The following CDK19 variants were observed in gnomAD, a reference collection of about 807,000 sequenced individuals.
CDK19 encodes cyclin dependent kinase 19, also known as cyclin-dependent kinase 19.
A neutral mutation model predicts 68.3 loss-of-function variants in CDK19; 20 were observed. The observed-to-expected ratio is 0.29, with a 90% CI of 0.21 to 0.43. The LOEUF (loss-of-function observed/expected upper bound fraction) is 0.43, where lower values mean the gene tolerates loss of function less well. Among genes scored for constraint, CDK19 ranks in the 20% least tolerant of loss-of-function variants. The pLI is 1.00. For synonymous variants in CDK19, 221 were observed against 222.8 expected (o/e 0.99, Z 0.07); for missense variants, 339 against 623.5 (o/e 0.54, Z 4.86).
At chr6:110,684,046 T>C (rs924897303) in intron 2 of CDK19, among the ~76,000 whole-genome samples, 4 of 151,990 alleles carry the variant, frequency 2.6e-5, no homozygotes, top group African/African-American at 9.7e-5. Context: ...GAAAATTGGA[T>C]ATACTTCTTA....
intron 4 of CDK19, among the ~76,000 whole-genome samples, chr6:110,649,312 G>A (rs1378863149): frequency 6.6e-6 from 1 of 152,046 alleles, no homozygotes; most frequent in African/African-American, 2.4e-5. Context: ...TTATCTAAAT[G>A]TGGAAAAAAT....
chr6:110,638,551 T>G, intron 5 of CDK19, 98 bp downstream of exon 5: 2 of 699,488 alleles, frequency 2.9e-6, no homozygotes. Context: ...AGAAAGTAAT[T>G]TTAAAATTAA....
chr6:110,663,480 T>C (rs1251803480), intron 4 of CDK19, among the ~76,000 whole-genome samples: 2 of 152,178 alleles, frequency 1.3e-5, no homozygotes, highest in East Asian at 3.8e-4. Context: ...TCAAGATTAG[T>C]GAATCAAGAA....
chr6:110,684,349 C>CA (rs1164663616), intron 2 of CDK19, among the ~76,000 whole-genome samples: 7 of 147,454 alleles, frequency 4.7e-5, no homozygotes, highest in Non-Finnish European at 7.4e-5. Context: ...GGCAGTCTTT[C>CA]AGTCCCTTGG....
chr6:110,668,832 CAAAAAAA>C (rs530527732), intron 3 of CDK19, among the ~76,000 whole-genome samples: 1 of 79,962 alleles, frequency 1.3e-5, no homozygotes. Flanking sequence ...AACTCCGTTT[CAAAAAAA>C]AAAAAAAAGA....
chr6:110,780,476 C>A (rs1405915729), intron 1 of CDK19, among the ~76,000 whole-genome samples: 1 of 143,240 alleles, frequency 7.0e-6, no homozygotes, highest in East Asian at 3.1e-4. Flanking sequence ...CAGAAGACAT[C>A]AGAATTTATT....
chr6:110,713,375 G>A (rs1299209076), intron 2 of CDK19, among the ~76,000 whole-genome samples: 1 of 149,268 alleles, frequency 6.7e-6, no homozygotes, highest in Non-Finnish European at 1.5e-5. Context: ...GAGCTTGCAG[G>A]GAGCTGAGAT....
chr6:110,662,039 G>A (rs1342413331), intron 4 of CDK19, among the ~76,000 whole-genome samples: 5 of 151,964 alleles, frequency 3.3e-5, no homozygotes, highest in South Asian at 4.2e-4. Flanking sequence ...GCACGATCTC[G>A]GCTCACTGCA....
At chr6:110,794,650 G>A (rs932967711) in intron 1 of CDK19, among the ~76,000 whole-genome samples, 3 of 151,274 alleles carry the variant, frequency 2.0e-5, no homozygotes, top group East Asian at 2.0e-4. Context: ...TGATCCACCC[G>A]CCTCAGCCTC....
intron 1 of CDK19, among the ~76,000 whole-genome samples, chr6:110,773,720 A>T (rs1038073631): frequency 1.3e-5 from 2 of 152,134 alleles, no homozygotes; most frequent in Admixed American, 6.6e-5. Context: ...ATACAATTGT[A>T]CGGGTATTAT....
intron 4 of CDK19, among the ~76,000 whole-genome samples, chr6:110,642,084 C>T (rs1282248514): frequency 1.3e-5 from 2 of 152,044 alleles, no homozygotes; most frequent in Admixed American, 1.3e-4. Flanking sequence ...GGGTGGATCA[C>T]GAGGTCAGGA....
At chr6:110,783,893 C>G (rs1425043800) in intron 1 of CDK19, among the ~76,000 whole-genome samples, 3 of 151,982 alleles carry the variant, frequency 2.0e-5, no homozygotes, top group Non-Finnish European at 4.4e-5. Context: ...GGCACGGTGG[C>G]TCACGCCTGT....
At chr6:110,807,136 CAAATA>C (rs1367825642) in intron 1 of CDK19, among the ~76,000 whole-genome samples, 2 of 144,904 alleles carry the variant, frequency 1.4e-5, no homozygotes, top group African/African-American at 5.1e-5. Flanking sequence ...CTCATCTCTA[CAAATA>C]ATTTAAAAAA....
At chr6:110,771,119 G>A (rs1313309564) in intron 1 of CDK19, among the ~76,000 whole-genome samples, 2 of 152,102 alleles carry the variant, frequency 1.3e-5, no homozygotes. Context: ...GGGGTCTGGA[G>A]GTCTTCTCAC....
chr6:110,717,368 G>A (rs565799916), intron 2 of CDK19, among the ~76,000 whole-genome samples: 1 of 152,100 alleles, frequency 6.6e-6, no homozygotes, highest in African/African-American at 2.4e-5. Context: ...ATCAGTCAAT[G>A]AGCCCTTAGA....
chr6:110,650,609 A>C (rs1780900672), intron 4 of CDK19, among the ~76,000 whole-genome samples: 1 of 152,190 alleles, frequency 6.6e-6, no homozygotes, highest in South Asian at 2.1e-4. Flanking sequence ...CTTCGGAGAA[A>C]GCCTCTTTGA....
At chr6:110,733,932 CCT>C (rs910169032) in intron 2 of CDK19, among the ~76,000 whole-genome samples, 1 of 152,038 alleles carries the variant, frequency 6.6e-6, no homozygotes, top group Non-Finnish European at 1.5e-5. Context: ...TTCCAGCATT[CCT>C]CTCCTTTTGA....
intron 2 of CDK19, among the ~76,000 whole-genome samples, chr6:110,738,184 TA>T (rs1777388963): frequency 6.6e-6 from 1 of 152,002 alleles, no homozygotes; most frequent in African/African-American, 2.4e-5. Context: ...CACGCATATT[TA>T]AAAAGAAAAA....
chr6:110,812,605 C>T (rs1281855684), intron 1 of CDK19, among the ~76,000 whole-genome samples: 1 of 151,944 alleles, frequency 6.6e-6, no homozygotes, highest in African/African-American at 2.4e-5. Context: ...CTTCTAAAGA[C>T]CTGAACAATG....
Sources: allele counts gnomAD v4.1 joint callset (sites outside exome capture counted in the v4.1 genomes callset), GRCh38; gene constraint gnomAD v4.1.1; transcripts MANE v1.5; gene names NCBI Gene and HGNC (gene_info 2026-07-23, HGNC 2026-07-21).